Variants in SEC61A2 observed in about 807,000 individuals in gnomAD.
SEC61A2 encodes protein transport protein Sec61 subunit alpha isoform 2.
A neutral mutation model predicts 59.9 loss-of-function variants in SEC61A2; 28 were observed. That is an observed-to-expected ratio of 0.47 (90% CI 0.35 to 0.64). The LOEUF is 0.64. Ranked by LOEUF, SEC61A2 falls within the 30% of genes least tolerant of loss-of-function variation. SEC61A2 has a pLI of 0.01. For synonymous variants in SEC61A2, 202 were observed against 214.4 expected (o/e 0.94, Z 0.50); for missense variants, 340 against 585.9 (o/e 0.58, Z 4.33).
chr10:12,141,140 T>G (rs998383793), intron 3 of SEC61A2, among the ~76,000 whole-genome samples: 2 of 152,188 alleles, frequency 1.3e-5, no homozygotes, highest in Admixed American at 6.5e-5. Flanking sequence ...CCTCAAGTGA[T>G]GTGCCCACGT....
chr10:12,137,996 A>C (rs1193909613), intron 3 of SEC61A2, among the ~76,000 whole-genome samples: 1 of 152,182 alleles, frequency 6.6e-6, no homozygotes, highest in Admixed American at 6.5e-5. Context: ...ACAGAGCGAG[A>C]TGCTGTCTCA....
chr10:12,164,934 T>TGGG lies in SEC61A2; in HGVS notation c.*480_*481insGGG. The TGGG allele has an allele frequency of 1.0e-6, 1 of 973,814 alleles. No individual in the cohort carries two copies. The highest frequency in any genetic ancestry group is 1.2e-6 in the Non-Finnish European group (1 of 819,506). 60.3% of individuals were successfully genotyped at this position (973,814 alleles called of 1,614,324 possible). On this transcript the variant is annotated 3_prime_UTR_variant, in exon 12 of 12. Transcript: ENST00000298428. The surrounding 1 kb of genome is among the most constrained non-coding windows in gnomAD (Gnocchi z 7.3). Reference sequence around the variant, plus strand: ...CTTTTTTAACTCATGGTATCCCCACTCCCCACCCCCACCTCATTTTTATTT... The same window carrying TGGG: ...CTTTTTTAACTCATGGTATCCCCACTGGGCCCCACCCCCACCTCATTTTTATTT...
intron 8 of SEC61A2, 146 bp from the exon 9 acceptor site, chr10:12,157,762 A>C: frequency 2.9e-6 from 2 of 698,468 alleles, no homozygotes; most frequent in Non-Finnish European, 4.8e-6. Flanking sequence ...CGGCCTCCCA[A>C]AGTGTTGGGA....
In SEC61A2 at chr10:12,158,196, C is replaced by A; in HGVS notation, c.975+91C>A. On this transcript the variant is annotated intron_variant, in intron 9 of 11. Coordinates refer to ENST00000298428, the MANE Select transcript of SEC61A2 (RefSeq NM_018144.4). This position sits in a 1 kb window ranked among gnomAD's most constrained non-coding sequence, Gnocchi z 5.7. ...TAATGGAATGAGGTCGACATTGGAG[C>A]ATTTGCTGTATTTTCAGATTCACTT... 4 of 1,011,126 alleles carry A rather than the reference C, an allele frequency of 4.0e-6. No homozygotes were observed. The highest frequency in any genetic ancestry group is 2.3e-5 in the Admixed American group (1 of 43,684). The allele number at this position is 1,011,126 out of a possible 1,614,324, so 62.6% of individuals were successfully genotyped here. A position where few individuals can be genotyped will look rare whatever the true frequency, so the allele number is the denominator to read the frequency against.
Position 12,143,339 on chromosome 10 carries a change from C to T in SEC61A2, c.220+144C>T, listed in dbSNP as rs529965660. 1.5e-4 allele frequency: 102 copies of T among 681,740 alleles called. No homozygotes were observed. Among genetic ancestry groups the T allele is most frequent in the Non-Finnish European group, 2.4e-4 (90 of 377,638 alleles). 42.2% of individuals were successfully genotyped at this position (681,740 alleles called of 1,614,324 possible). On this transcript the variant is annotated intron_variant, in intron 4 of 11. Transcript: ENST00000298428. The surrounding 1 kb of genome is among the most constrained non-coding windows in gnomAD (Gnocchi z 4.8). Reference sequence around the variant, plus strand: ...CCTAGTATGTAGATAATGACAACACCGTGTGATTAATGTAATCATAGAGAA... The same window carrying T: ...CCTAGTATGTAGATAATGACAACACTGTGTGATTAATGTAATCATAGAGAA...
At chr10:12,147,513 C>T (rs1373892699) in intron 4 of SEC61A2, among the ~76,000 whole-genome samples, 4 of 151,996 alleles carry the variant, frequency 2.6e-5, no homozygotes, top group Non-Finnish European at 5.9e-5. Context: ...AGTGAAACCC[C>T]ATCTCTACCA....
At position 12,142,462 on chromosome 10, in the gene SEC61A2, G is replaced by A; in HGVS notation, c.142-655G>A. ...AGTAAGCATAATTTTTAGTGGCCAT[G>A]TAATATTCCATTGTGGATATCATCT... On this transcript the variant is annotated intron_variant, in intron 3 of 11. Transcript: ENST00000298428. This position sits in a 1 kb window ranked among gnomAD's most constrained non-coding sequence, Gnocchi z 5.4. The A allele has an allele frequency of 1.1e-6, 1 of 892,644 alleles. No homozygotes were observed. The highest frequency in any genetic ancestry group is 1.3e-6 in the Non-Finnish European group (1 of 745,250). 55.3% of individuals were successfully genotyped at this position (892,644 alleles called of 1,614,324 possible). A position where few individuals can be genotyped will look rare whatever the true frequency, so the allele number is the denominator to read the frequency against.
In SEC61A2 at chr10:12,155,241, C is replaced by G. The variant is rs779391309; in HGVS notation, c.463-537C>G. 2.3e-4 allele frequency: 254 copies of G among 1,104,556 alleles called. No homozygotes were observed. Among genetic ancestry groups the G allele is most frequent in the Non-Finnish European group, 2.8e-4 (231 of 833,828 alleles). 68.4% of individuals were successfully genotyped at this position (1,104,556 alleles called of 1,614,324 possible). ...ACGTATTTGAGTACATATTTGTGTT[C>G]TAGTTTTTTATTCTGTACACATTTT... On this transcript the variant is annotated intron_variant, in intron 6 of 11. Transcript: ENST00000298428. This position sits in a 1 kb window ranked among gnomAD's most constrained non-coding sequence, Gnocchi z 4.3.
chr10:12,166,885 T>C (rs1169247552), downstream of SEC61A2: 2 of 357,178 alleles, frequency 5.6e-6, no homozygotes, highest in African/African-American at 4.3e-5. Context: ...CTACTCTGTA[T>C]TGGGTTTCAG....
At position 12,149,469 on chromosome 10, in the gene SEC61A2, A is replaced by T; in HGVS notation, c.221-126A>T. The T allele has an allele frequency of 1.1e-6, 1 of 882,694 alleles. No homozygotes were observed. The highest frequency in any genetic ancestry group is 1.8e-6 in the Non-Finnish European group (1 of 568,962). 54.7% of individuals were successfully genotyped at this position (882,694 alleles called of 1,614,324 possible). On this transcript the variant is annotated intron_variant, in intron 4 of 11. Coordinates refer to ENST00000298428, the MANE Select transcript of SEC61A2 (RefSeq NM_018144.4). The surrounding 1 kb of genome is among the most constrained non-coding windows in gnomAD (Gnocchi z 5.2). Reference sequence around the variant, plus strand: ...TTTCTTAGCAAGTAGTGTTTAAGAAATGAAAATTTGCTTGTTAAAATTTTC... The same window carrying T: ...TTTCTTAGCAAGTAGTGTTTAAGAATTGAAAATTTGCTTGTTAAAATTTTC...
chr10:12,130,982 G>T (rs1034852835), intron 1 of SEC61A2, among the ~76,000 whole-genome samples: 1 of 152,162 alleles, frequency 6.6e-6, no homozygotes, highest in African/African-American at 2.4e-5. Context: ...AGACCAGCCT[G>T]GCCAACATGA....
downstream of SEC61A2, chr10:12,165,953 A>G (rs1479998234): frequency 2.6e-5 from 4 of 152,200 alleles, no homozygotes; most frequent in Admixed American, 6.5e-5. Flanking sequence ...GGCTTTTAAT[A>G]CATAGGAAAC....
Position 12,142,642 on chromosome 10 carries a change from C to A in SEC61A2, c.142-475C>A. 1 of 346,062 alleles carries A rather than the reference C, an allele frequency of 2.9e-6. No individual in the cohort carries two copies. Among genetic ancestry groups the A allele is most frequent in the Non-Finnish European group, 4.1e-6 (1 of 245,622 alleles). The allele number at this position is 346,062 out of a possible 1,614,324, so 21.4% of individuals were successfully genotyped here. A position where few individuals can be genotyped will look rare whatever the true frequency, so the allele number is the denominator to read the frequency against. On this transcript the variant is annotated intron_variant, in intron 3 of 11. Coordinates refer to ENST00000298428, the MANE Select transcript of SEC61A2 (RefSeq NM_018144.4). This position sits in a 1 kb window ranked among gnomAD's most constrained non-coding sequence, Gnocchi z 5.4. Reference sequence around the variant, plus strand: ...AGTATAGAAAATATGCCATCTTCATCATTTTTAGATGTGCAGTTTAGTAAC... The same window carrying A: ...AGTATAGAAAATATGCCATCTTCATAATTTTTAGATGTGCAGTTTAGTAAC...
chr10:12,135,818 A>G (rs1833869507), intron 2 of SEC61A2, among the ~76,000 whole-genome samples: 2 of 152,204 alleles, frequency 1.3e-5, no homozygotes, highest in Admixed American at 6.5e-5. Flanking sequence ...ATGGCTCAGA[A>G]GTATTTCATT....
At chr10:12,168,919 T>A (rs1011105726), downstream of SEC61A2, among the ~76,000 whole-genome samples, 5 of 152,082 alleles carry the variant, frequency 3.3e-5, no homozygotes, top group Admixed American at 2.6e-4. The surrounding 1 kb of genome is among the most constrained non-coding windows in gnomAD (Gnocchi z 4.8). Context: ...TGTACCACCA[T>A]GCCTGGCTAA....
chr10:12,138,039 A>G (rs1833928087), intron 3 of SEC61A2, among the ~76,000 whole-genome samples: 1 of 152,006 alleles, frequency 6.6e-6, no homozygotes, highest in African/African-American at 2.4e-5. Flanking sequence ...ATACATACAT[A>G]CATACCAGAT....
chr10:12,134,885 C>T (rs1354819987), intron 2 of SEC61A2, among the ~76,000 whole-genome samples: 2 of 150,576 alleles, frequency 1.3e-5, no homozygotes, highest in Non-Finnish European at 2.9e-5. Context: ...CGCCACTGCG[C>T]TGCAGCCTGG....
At position 12,142,655 on chromosome 10, in the gene SEC61A2, G is replaced by T. The variant is rs1451569256; in HGVS notation, c.142-462G>T. 2 of 275,894 alleles carry T rather than the reference G, an allele frequency of 7.2e-6. No homozygotes were observed. Among genetic ancestry groups the T allele is most frequent in the African/African-American group, 2.3e-5 (1 of 43,614 alleles). 17.1% of individuals were successfully genotyped at this position (275,894 alleles called of 1,614,324 possible). ...TGCCATCTTCATCATTTTTAGATGT[G>T]CAGTTTAGTAACATTAGGAATGTTC... On this transcript the variant is annotated intron_variant, in intron 3 of 11. Transcript: ENST00000298428. This position sits in a 1 kb window ranked among gnomAD's most constrained non-coding sequence, Gnocchi z 5.4.
In SEC61A2 at chr10:12,153,578, T is replaced by C. The variant is rs1452902299; in HGVS notation, c.463-2200T>C. 6.6e-6 allele frequency among the ~76,000 whole-genome samples: 1 copy of C among 152,314 alleles called. No individual in the cohort carries two copies. The highest frequency in any genetic ancestry group is 1.9e-4 in the East Asian group (1 of 5,194). ...ATTCAGAAATCAGAAATACTTACAG[T>C]CCAAGAATGAAACAAGTGAAGTGGA... On this transcript the variant is annotated intron_variant, in intron 6 of 11. Coordinates refer to ENST00000298428, the MANE Select transcript of SEC61A2 (RefSeq NM_018144.4). The surrounding 1 kb of genome is among the most constrained non-coding windows in gnomAD (Gnocchi z 5.2).
Sources: allele counts gnomAD v4.1 joint callset (sites outside exome capture counted in the v4.1 genomes callset), GRCh38; gene constraint gnomAD v4.1.1; non-coding constraint Gnocchi (gnomAD v3.1); transcripts MANE v1.5; gene names NCBI Gene and HGNC (gene_info 2026-07-23, HGNC 2026-07-21).